Variants in MAGI1 observed in about 807,000 individuals in gnomAD.
The protein encoded by MAGI1 is membrane associated guanylate kinase, WW and PDZ domain containing 1.
Under a neutral mutation model 139.9 loss-of-function variants are expected in MAGI1, and 58 were observed. That is an observed-to-expected ratio of 0.41 (90% CI 0.34 to 0.52). The LOEUF is 0.52. MAGI1 is among the 20% of genes least tolerant of loss of function. MAGI1 has a pLI of 0.12. For synonymous variants in MAGI1, 812 were observed against 737.9 expected, an observed-to-expected ratio of 1.10 and a Z score of -1.63; for missense variants, 1,874 against 1,901.6, an observed-to-expected ratio of 0.99 and a Z score of 0.27.
At chr3:65,936,881 G>A (rs3821905) in intron 1 of MAGI1, among the ~76,000 whole-genome samples, 73,150 of 151,012 alleles carry the variant, frequency 0.48, 19,184 homozygotes, top group East Asian at 0.8. Context: ...ACAGGTGTGC[G>A]CCACTGAGCT....
chr3:65,924,133 T>C (rs1259286863), intron 1 of MAGI1, among the ~76,000 whole-genome samples: 2 of 152,224 alleles, frequency 1.3e-5, no homozygotes, highest in African/African-American at 4.8e-5. Context: ...TCTTTACCAA[T>C]TGACACTCAT....
At chr3:65,519,542 C>T (rs1196228403) in intron 2 of MAGI1, among the ~76,000 whole-genome samples, 3 of 152,008 alleles carry the variant, frequency 2.0e-5, no homozygotes, top group African/African-American at 4.8e-5. Context: ...CCTGCCACCA[C>T]GGCTGGCTAA....
At chr3:65,787,178 CA>C (rs1164563049) in intron 1 of MAGI1, among the ~76,000 whole-genome samples, 1 of 151,980 alleles carries the variant, frequency 6.6e-6, no homozygotes, top group Non-Finnish European at 1.5e-5. Flanking sequence ...TCAGTCACAA[CA>C]AAAGTTAGGC....
At chr3:65,758,514 A>C (rs1299829697) in intron 1 of MAGI1, among the ~76,000 whole-genome samples, 1 of 152,120 alleles carries the variant, frequency 6.6e-6, no homozygotes, top group Non-Finnish European at 1.5e-5. Flanking sequence ...CAGCATATTC[A>C]TAATATGTTA....
At chr3:65,472,614 G>A (rs533881210) in intron 4 of MAGI1, among the ~76,000 whole-genome samples, 1 of 152,168 alleles carries the variant, frequency 6.6e-6, no homozygotes, top group Non-Finnish European at 1.5e-5. Flanking sequence ...CAGCTCTTAG[G>A]ACAGGTGTTG....
chr3:65,722,497 G>A (rs970825572), intron 1 of MAGI1, among the ~76,000 whole-genome samples: 1 of 151,898 alleles, frequency 6.6e-6, no homozygotes, highest in African/African-American at 2.4e-5. Flanking sequence ...GCTAGACACA[G>A]TGGCATGTAC....
chr3:65,904,018 A>G (rs958416649), intron 1 of MAGI1, among the ~76,000 whole-genome samples: 1 of 152,092 alleles, frequency 6.6e-6, no homozygotes, highest in Non-Finnish European at 1.5e-5. Context: ...AAAAAAAAAA[A>G]AGAAAGAAAG....
intron 1 of MAGI1, among the ~76,000 whole-genome samples, chr3:65,734,811 A>G (rs917295375): frequency 1.3e-5 from 2 of 150,388 alleles, no homozygotes; most frequent in African/African-American, 4.9e-5. Flanking sequence ...CCAGTGTCAC[A>G]TCTAGATAAA....
At chr3:65,581,534 C>T (rs954676638) in intron 2 of MAGI1, among the ~76,000 whole-genome samples, 6 of 152,124 alleles carry the variant, frequency 3.9e-5, no homozygotes, top group African/African-American at 1.4e-4. Flanking sequence ...TGTCCCTGCC[C>T]CCTTGCTGCT....
chr3:65,839,416 T>A (rs2058733036), intron 1 of MAGI1, among the ~76,000 whole-genome samples: 1 of 151,664 alleles, frequency 6.6e-6, no homozygotes, highest in African/African-American at 2.4e-5. Context: ...CTTTTTTTTT[T>A]AATTGACTGT....
intron 1 of MAGI1, among the ~76,000 whole-genome samples, chr3:65,691,078 G>A (rs1160390963): frequency 2.0e-5 from 3 of 151,876 alleles, no homozygotes; most frequent in Admixed American, 6.6e-5. Flanking sequence ...CGGGGCAGGC[G>A]GATCACAAGG....
intron 1 of MAGI1, among the ~76,000 whole-genome samples, chr3:65,796,470 C>A (rs2040156442): frequency 6.6e-6 from 1 of 152,170 alleles, no homozygotes; most frequent in South Asian, 2.1e-4. Flanking sequence ...GCTGCTGTTT[C>A]ATCTCTTTTC....
chr3:65,634,513 C>T (rs1328971306), intron 1 of MAGI1, among the ~76,000 whole-genome samples: 1 of 152,198 alleles, frequency 6.6e-6, no homozygotes, highest in Non-Finnish European at 1.5e-5. Context: ...AATTCACCAG[C>T]TTGCCTTGGG....
At chr3:65,871,246 T>C (rs888074380) in intron 1 of MAGI1, among the ~76,000 whole-genome samples, 3 of 152,170 alleles carry the variant, frequency 2.0e-5, no homozygotes, top group African/African-American at 7.2e-5. Context: ...CTAATAGTTA[T>C]ATTTTTAAAA....
intron 1 of MAGI1, among the ~76,000 whole-genome samples, chr3:65,797,424 G>T (rs1193826219): frequency 6.6e-6 from 1 of 152,148 alleles, no homozygotes; most frequent in African/African-American, 2.4e-5. Context: ...AAAATGAGAA[G>T]AAAGAAAACA....
At chr3:66,014,461 A>G (rs528278435) in intron 1 of MAGI1, among the ~76,000 whole-genome samples, 14 of 152,290 alleles carry the variant, frequency 9.2e-5, no homozygotes, top group Admixed American at 2.6e-4. Flanking sequence ...CACTTTTTTA[A>G]CTGACTACAG....
At chr3:65,921,863 G>C (rs917718711) in intron 1 of MAGI1, among the ~76,000 whole-genome samples, 1 of 151,440 alleles carries the variant, frequency 6.6e-6, no homozygotes, top group Non-Finnish European at 1.5e-5. Context: ...CCACGATGGC[G>C]CCACTGCACT....
chr3:65,548,205 G>A (rs899773455), intron 2 of MAGI1, among the ~76,000 whole-genome samples: 11 of 152,220 alleles, frequency 7.2e-5, no homozygotes, highest in Non-Finnish European at 1.3e-4. Context: ...AGTGAGCAGG[G>A]AAGCCACAGA....
intron 2 of MAGI1, among the ~76,000 whole-genome samples, chr3:65,562,463 T>C (rs952196090): frequency 2.6e-5 from 4 of 152,222 alleles, no homozygotes; most frequent in African/African-American, 7.2e-5. Flanking sequence ...TGGCTTGTTT[T>C]GTTATGCTTT....
Sources: gnomAD v4.1 joint callset for allele counts (sites outside exome capture counted in the v4.1 genomes callset) on GRCh38, gnomAD v4.1.1 for gene constraint, MANE v1.5 for transcripts, NCBI Gene and HGNC (gene_info 2026-07-23, HGNC 2026-07-21) for gene names.